Variants in SLC22A23 observed in about 807,000 individuals in gnomAD.
SLC22A23 encodes the protein solute carrier family 22 member 23.
SLC22A23 carries 26 observed loss-of-function variants against 61.0 expected under a neutral mutation model. That is an observed-to-expected ratio of 0.43 (90% CI 0.31 to 0.59). The LOEUF (loss-of-function observed/expected upper bound fraction) is 0.59, where lower values mean the gene tolerates loss of function less well. Ranked by LOEUF, SLC22A23 falls within the 20% of genes least tolerant of loss-of-function variation. The probability of loss-of-function intolerance (pLI) is 0.11; values close to 1 mark genes in which losing one functional copy is unlikely to be tolerated. For synonymous variants in SLC22A23, 430 were observed against 413.9 expected (o/e 1.04, Z -0.47); for missense variants, 796 against 934.7 (o/e 0.85, Z 1.94).
chr6:3,329,610 C>A lies in SLC22A23; in HGVS notation c.914-5608G>T, dbSNP rs1265992429. Among the ~76,000 whole-genome samples, 1 of 152,180 alleles carries A rather than the reference C, an allele frequency of 6.6e-6. No homozygotes were observed. The highest frequency in any genetic ancestry group is 1.5e-5 in the Non-Finnish European group (1 of 68,028). On this transcript the variant is annotated intron_variant, in intron 3 of 9. Coordinates refer to ENST00000406686, the MANE Select transcript of SLC22A23 (RefSeq NM_015482.2). The surrounding 1 kb of genome is among the most constrained non-coding windows in gnomAD (Gnocchi z 4.8). ...AGATTCCTCCCCGGCCTCTGCTGGG[C>A]GGTGTGAAGTTACTCAGCCGCTCTG...
chr6:3,409,765 C>G (rs1034756402), intron 3 of SLC22A23, among the ~76,000 whole-genome samples: 1 of 152,190 alleles, frequency 6.6e-6, no homozygotes, highest in Non-Finnish European at 1.5e-5. Context: ...ATGCTTAGGT[C>G]TCAGTTCCAG....
intron 1 of SLC22A23, among the ~76,000 whole-genome samples, chr6:3,442,784 C>T (rs568596268): frequency 3.7e-4 from 56 of 151,810 alleles, no homozygotes; most frequent in Non-Finnish European, 6.5e-4. Context: ...AATTAAATTA[C>T]ATAAAGGATT....
intron 1 of SLC22A23, among the ~76,000 whole-genome samples, chr6:3,419,102 A>C (rs1769940215): frequency 6.6e-6 from 1 of 152,148 alleles, no homozygotes; most frequent in Non-Finnish European, 1.5e-5. Flanking sequence ...GCAATTTATA[A>C]CTTTTCAGAT....
At chr6:3,370,161 T>G (rs2127461694) in intron 3 of SLC22A23, among the ~76,000 whole-genome samples, 1 of 152,360 alleles carries the variant, frequency 6.6e-6, no homozygotes, top group East Asian at 1.9e-4. Context: ...AAATTTATTT[T>G]TTCCTTGGAT....
intron 1 of SLC22A23, among the ~76,000 whole-genome samples, chr6:3,428,255 C>T (rs6916403): frequency 0.32 from 49,427 of 152,104 alleles, 8,705 homozygotes; most frequent in East Asian, 0.47. Flanking sequence ...TATCAGAGAC[C>T]TTCCTGCCCC....
intron 3 of SLC22A23, among the ~76,000 whole-genome samples, chr6:3,351,276 G>A (rs1394096730): frequency 6.6e-6 from 1 of 152,218 alleles, no homozygotes; most frequent in Admixed American, 6.5e-5. Flanking sequence ...TAGCATTCTA[G>A]CCGGATGGCC....
At position 3,273,052 on chromosome 6, in the gene SLC22A23, G is replaced by T. The variant is rs370218057; in HGVS notation, c.*3C>A. 13 of 1,543,428 alleles carry T rather than the reference G, an allele frequency of 8.4e-6. No individual in the cohort carries two copies. The highest frequency in any genetic ancestry group is 1.1e-5 in the Non-Finnish European group (13 of 1,146,496). On this transcript the variant is annotated 3_prime_UTR_variant, in exon 10 of 10. Transcript: ENST00000406686. ...CCTGGAGCCCCGGGTTCCGCAGGCCGGGCTACATGGCCTTCATGCCGTTGG... is the reference window on the plus strand; with the variant it reads ...CCTGGAGCCCCGGGTTCCGCAGGCCTGGCTACATGGCCTTCATGCCGTTGG...
intron 3 of SLC22A23, among the ~76,000 whole-genome samples, chr6:3,350,434 T>A (rs982663443): frequency 1.3e-5 from 2 of 152,214 alleles, no homozygotes; most frequent in African/African-American, 4.8e-5. Flanking sequence ...GTGTGAAGTT[T>A]ATGTGAAATT....
chr6:3,356,398 A>G (rs1765106896), intron 3 of SLC22A23, among the ~76,000 whole-genome samples: 1 of 151,830 alleles, frequency 6.6e-6, no homozygotes, highest in Non-Finnish European at 1.5e-5. Flanking sequence ...CCCCCATCTC[A>G]GAGATGGCAG....
At chr6:3,452,223 G>A (rs1365235541) in intron 1 of SLC22A23, among the ~76,000 whole-genome samples, 1 of 152,170 alleles carries the variant, frequency 6.6e-6, no homozygotes, top group Admixed American at 6.5e-5. Context: ...CGAAGCAGAG[G>A]AGCATCTGTA....
At chr6:3,420,044 A>T (rs1197877850) in intron 1 of SLC22A23, among the ~76,000 whole-genome samples, 1 of 152,190 alleles carries the variant, frequency 6.6e-6, no homozygotes, top group African/African-American at 2.4e-5. Context: ...ACAAGATCAT[A>T]AAAGCACTAA....
At position 3,338,352 on chromosome 6, in the gene SLC22A23, C is replaced by T. The variant is rs573971779; in HGVS notation, c.914-14350G>A. Among the ~76,000 whole-genome samples the T allele has an allele frequency of 9.2e-5, 14 of 152,338 alleles. No homozygotes were observed. In the East Asian group the frequency reaches 1.2e-3, roughly 13 times the overall value. On this transcript the variant is annotated intron_variant, in intron 3 of 9. Transcript: ENST00000406686. The stretch of plus-strand genomic sequence containing the variant: ...TGCCTTTATTTCTTATTTTTTGAGA[C>T]GGAGTCTCACTCTGTTGCCCAGGCT...
At chr6:3,362,429 T>A (rs9503556) in intron 3 of SLC22A23, among the ~76,000 whole-genome samples, 13,532 of 37,360 alleles carry the variant, frequency 0.36, 3,374 homozygotes, top group East Asian at 0.56. Context: ...AAATAAAAAA[T>A]AAAAAATAAA....
chr6:3,314,403 C>A (rs1379230766), intron 4 of SLC22A23, among the ~76,000 whole-genome samples: 1 of 152,194 alleles, frequency 6.6e-6, no homozygotes, highest in Non-Finnish European at 1.5e-5. Context: ...AGACCCCAGC[C>A]CCACTTACTA....
At chr6:3,285,049 GGAA>G (rs1561865237) in intron 8 of SLC22A23, 27 bp downstream of exon 8, 5 of 1,611,634 alleles carry the variant, frequency 3.1e-6, no homozygotes, top group East Asian at 2.2e-5. Flanking sequence ...TATGAGACGA[GGAA>G]GCACAGCCCA....
At chr6:3,357,857 T>G (rs919861981) in intron 3 of SLC22A23, among the ~76,000 whole-genome samples, 11 of 152,144 alleles carry the variant, frequency 7.2e-5, no homozygotes, top group African/African-American at 2.7e-4. Flanking sequence ...TGGGGTTCTG[T>G]GCTACAGGAA....
In SLC22A23 at chr6:3,286,648, G is replaced by A. The variant is rs529141562; in HGVS notation, c.1546+211C>T. 2.0e-5 allele frequency among the ~76,000 whole-genome samples: 3 copies of A among 152,338 alleles called. No homozygotes were observed. The highest frequency in any genetic ancestry group is 2.1e-4 in the South Asian group (1 of 4,826). ...AAGGAATCATGGTGCAGCCCGGGCC[G>A]GGGCAGGGGCAGGGGGAGGCGGGAA... On this transcript the variant is annotated intron_variant, in intron 7 of 9. Coordinates refer to ENST00000406686, the MANE Select transcript of SLC22A23 (RefSeq NM_015482.2). This position sits in a 1 kb window ranked among gnomAD's most constrained non-coding sequence, Gnocchi z 4.2.
intron 1 of SLC22A23, among the ~76,000 whole-genome samples, chr6:3,419,294 G>T (rs890292843): frequency 2.0e-5 from 3 of 152,062 alleles, no homozygotes; most frequent in Non-Finnish European, 4.4e-5. Flanking sequence ...TGCCCCCACA[G>T]ACACCCCGAT....
In SLC22A23 at chr6:3,386,865, C is replaced by A. The variant is rs1767345728; in HGVS notation, c.913+23323G>T. Among the ~76,000 whole-genome samples the A allele has an allele frequency of 6.6e-6, 1 of 152,184 alleles. No homozygotes were observed. Among genetic ancestry groups the A allele is most frequent in the Admixed American group, 6.5e-5 (1 of 15,288 alleles). ...CAAGGACTTGCTTCCACAGGGCCGG[C>A]ACCCCAGGGCGGGGCAGGCACCCCA... is the stretch of plus-strand genomic sequence containing the variant. On this transcript the variant is annotated intron_variant, in intron 3 of 9. Transcript: ENST00000406686. The surrounding 1 kb of genome is among the most constrained non-coding windows in gnomAD (Gnocchi z 4.4).
Sources: allele counts gnomAD v4.1 joint callset (sites outside exome capture counted in the v4.1 genomes callset), GRCh38; gene constraint gnomAD v4.1.1; non-coding constraint Gnocchi (gnomAD v3.1); transcripts MANE v1.5; gene names NCBI Gene and HGNC (gene_info 2026-07-23, HGNC 2026-07-21).